Variants in HOXA3 observed in about 807,000 individuals in gnomAD.
HOXA3 encodes homeobox protein Hox-A3.
In HOXA3, 8 loss-of-function variants were observed where a neutral mutation model predicts 30.3. The ratio of observed to expected loss-of-function variants is 0.26; its 90% confidence interval spans 0.15 to 0.48. The LOEUF (loss-of-function observed/expected upper bound fraction) is 0.48, where lower values mean the gene tolerates loss of function less well. HOXA3 is among the 20% of genes least tolerant of loss of function. The pLI is 0.99. For synonymous variants in HOXA3, 323 were observed against 273.1 expected (o/e 1.18, Z -1.80); for missense variants, 653 against 614.4 (o/e 1.06, Z -0.66).
intron 1 of HOXA3, chr7:27,150,769 C>A (rs17472077): frequency 0.071 from 10,846 of 152,674 alleles, 796 homozygotes; most frequent in African/African-American, 0.19. Context: ...GGGGAGGACC[C>A]GAGTCTATAA....
In HOXA3 at chr7:27,130,295, G is replaced by A. The variant is rs1325896301; in HGVS notation, c.-389-3225C>T. On this transcript the variant is annotated intron_variant, in intron 2 of 5. Coordinates refer to ENST00000612286, the MANE Select transcript of HOXA3 (RefSeq NM_153631.3). Reference sequence around the variant, plus strand: ...CGCGGGGCCGCTGGGGGCACGGCGCGAGGCTGCAGGGGCGGCGGCAGCTGG... The same window carrying A: ...CGCGGGGCCGCTGGGGGCACGGCGCAAGGCTGCAGGGGCGGCGGCAGCTGG... 2.4e-5 allele frequency: 26 copies of A among 1,093,068 alleles called. No individual in the cohort carries two copies. The highest frequency in any genetic ancestry group is 3.4e-5 in the African/African-American group (2 of 58,766). The allele number at this position is 1,093,068 out of a possible 1,614,324, so 67.7% of individuals were successfully genotyped here. A position where few individuals can be genotyped will look rare whatever the true frequency, so the allele number is the denominator to read the frequency against.
chr7:27,128,957 C>T (rs1583394528), intron 2 of HOXA3: 1 of 533,594 alleles, frequency 1.9e-6, no homozygotes, highest in Non-Finnish European at 3.4e-6. Context: ...CCAAGTAGTC[C>T]TTCTCAGGTA....
chr7:27,124,751 C>G (rs6958882), intron 3 of HOXA3: 7,559 of 152,298 alleles, frequency 0.05, 271 homozygotes, highest in African/African-American at 0.099. Flanking sequence ...CTTGCACAGG[C>G]GCTACACCTT....
chr7:27,120,604 C>A (rs1015805650), intron 4 of HOXA3, among the ~76,000 whole-genome samples: 1 of 151,230 alleles, frequency 6.6e-6, no homozygotes, highest in African/African-American at 2.4e-5. Flanking sequence ...AGAGAAATGC[C>A]TTAACGCCAG....
intron 1 of HOXA3, among the ~76,000 whole-genome samples, chr7:27,144,780 T>G (rs1782692711): frequency 1.3e-5 from 2 of 152,214 alleles, no homozygotes; most frequent in Admixed American, 1.3e-4. Context: ...AAATCACAAA[T>G]ATAGCTGAGA....
chr7:27,108,957 C>T lies in HOXA3; in HGVS notation c.527-237G>A, dbSNP rs1350587822. ...CGGGGGAAAGGACAGAGAAGTAGAACCCCCGGTTTGCCTTCCTGGTCTGGA... is the reference window on the plus strand; with the variant it reads ...CGGGGGAAAGGACAGAGAAGTAGAATCCCCGGTTTGCCTTCCTGGTCTGGA... On this transcript the variant is annotated intron_variant, in intron 5 of 5. Coordinates refer to ENST00000612286, the MANE Select transcript of HOXA3 (RefSeq NM_153631.3). The surrounding 1 kb of genome is among the most constrained non-coding windows in gnomAD (Gnocchi z 5.0). Among the ~76,000 whole-genome samples, 2 of 152,144 alleles carry T rather than the reference C, an allele frequency of 1.3e-5. No individual in the cohort carries two copies. The highest frequency in any genetic ancestry group is 2.9e-5 in the Non-Finnish European group (2 of 68,024).
chr7:27,108,793 C>T lies in HOXA3; in HGVS notation c.527-73G>A. On this transcript the variant is annotated intron_variant, in intron 5 of 5. Transcript: ENST00000612286. The surrounding 1 kb of genome is among the most constrained non-coding windows in gnomAD (Gnocchi z 5.0). Reference sequence around the variant, plus strand: ...CCGCCCAGCCCCTGACCCAGCCCGGCCCCTCCTTCCACCAGGCCCCAAAGG... The same window carrying T: ...CCGCCCAGCCCCTGACCCAGCCCGGTCCCTCCTTCCACCAGGCCCCAAAGG... The T allele has an allele frequency of 8.3e-7, 1 of 1,199,276 alleles. No homozygotes were observed. The highest frequency in any genetic ancestry group is 2.4e-5 in the East Asian group (1 of 40,994). 74.3% of individuals were successfully genotyped at this position (1,199,276 alleles called of 1,614,324 possible). A position where few individuals can be genotyped will look rare whatever the true frequency, so the allele number is the denominator to read the frequency against.
intron 2 of HOXA3, among the ~76,000 whole-genome samples, chr7:27,132,318 G>C (rs1785586469): frequency 6.6e-6 from 1 of 152,202 alleles, no homozygotes; most frequent in African/African-American, 2.4e-5. Flanking sequence ...CCTAAGCCTG[G>C]AGACACTTGA....
chr7:27,107,818 G>A lies in HOXA3; in HGVS notation c.*97C>T. The A allele has an allele frequency of 1.2e-6, 1 of 807,654 alleles. No homozygotes were observed. Among genetic ancestry groups the A allele is most frequent in the Non-Finnish European group, 1.8e-6 (1 of 540,738 alleles). The allele number at this position is 807,654 out of a possible 1,614,324, so 50.0% of individuals were successfully genotyped here. On this transcript the variant is annotated 3_prime_UTR_variant, in exon 6 of 6. Transcript: ENST00000612286. The stretch of plus-strand genomic sequence containing the variant: ...GAAGAGAGAAAAGGAAGGAAGGAAA[G>A]GGCAGGAAGAACCTAAAAAAAAAAA...
intron 1 of HOXA3, among the ~76,000 whole-genome samples, chr7:27,148,731 G>C (rs1782873228): frequency 6.6e-6 from 1 of 152,254 alleles, no homozygotes; most frequent in African/African-American, 2.4e-5. Flanking sequence ...CGAGGGACCT[G>C]CTCCCCTGCC....
chr7:27,128,673 T>TA, intron 2 of HOXA3: 3 of 168,736 alleles, frequency 1.8e-5, no homozygotes, highest in East Asian at 1.5e-4. Context: ...AACAGTGTCT[T>TA]AAATAAATGC....
chr7:27,145,300 C>T (rs966085541), intron 1 of HOXA3: 2 of 261,012 alleles, frequency 7.7e-6, no homozygotes, highest in South Asian at 8.3e-5. Context: ...GTCCCGAGGT[C>T]GGGGAGCTCA....
At chr7:27,111,569 G>A (rs10085570) in intron 4 of HOXA3, among the ~76,000 whole-genome samples, 121,137 of 151,550 alleles carry the variant, frequency 0.8, 49,307 homozygotes, top group South Asian at 0.88. Context: ...CTAAAATCCT[G>A]GAGAGTTCTT....
chr7:27,137,990 A>G (rs1785765329), intron 2 of HOXA3, among the ~76,000 whole-genome samples: 1 of 152,166 alleles, frequency 6.6e-6, no homozygotes, highest in Non-Finnish European at 1.5e-5. Context: ...GAAATCACTC[A>G]AGCAAGATCA....
chr7:27,116,744 T>G lies in HOXA3; in HGVS notation c.-121+5815A>C, dbSNP rs774700730. The G allele has an allele frequency of 7.2e-5, 11 of 152,216 alleles. 1 individual carries two copies. The highest frequency in any genetic ancestry group is 2.0e-4 in the Admixed American group (3 of 15,292). 9.4% of individuals were successfully genotyped at this position (152,216 alleles called of 1,614,324 possible). On this transcript the variant is annotated intron_variant, in intron 4 of 5. Transcript: ENST00000612286. ...AACTGGGTCAAAAATGCGCCAGAAC[T>G]AGGTCATAAATCATATGAAATGCTG...
At chr7:27,132,132 T>A (rs1406380631) in intron 2 of HOXA3, among the ~76,000 whole-genome samples, 1 of 152,234 alleles carries the variant, frequency 6.6e-6, no homozygotes, top group African/African-American at 2.4e-5. Context: ...GATCCTCTAC[T>A]TTTCAGCCTA....
At position 27,108,443 on chromosome 7, in the gene HOXA3, G is replaced by A; in HGVS notation, c.804C>T (p.Pro268=). The A allele has an allele frequency of 6.2e-7, 1 of 1,613,978 alleles. No individual in the cohort carries two copies. Among genetic ancestry groups the A allele is most frequent in the Non-Finnish European group, 8.5e-7 (1 of 1,179,940 alleles). The change falls in exon 6 of 6, where the codon CCC becomes CCT. Residue 268 remains proline, a synonymous_variant. Transcript: ENST00000612286. The surrounding 1 kb of genome is among the most constrained non-coding windows in gnomAD (Gnocchi z 5.0). ...SSGGQSPSRS[P]VPPGAGGYLN... is the part of the protein sequence containing the mutation. ...GATAGCCACCGGCTCCGGGGGGCAC[G>A]GGGCTGCGACTTGGAGACTGGCCCC... is the stretch of plus-strand genomic sequence containing the variant.
At chr7:27,139,830 A>G (rs1782477221) in intron 2 of HOXA3, among the ~76,000 whole-genome samples, 1 of 152,174 alleles carries the variant, frequency 6.6e-6, no homozygotes, top group African/African-American at 2.4e-5. Context: ...AGCGGAAGTC[A>G]TTAACATCCG....
At chr7:27,130,404 G>A in intron 2 of HOXA3, 1 of 1,166,152 alleles carries the variant, frequency 8.6e-7, no homozygotes, top group Non-Finnish European at 1.1e-6. Flanking sequence ...GCGGCCGCCC[G>A]GGGCTGGCGC....
Sources: gnomAD v4.1 joint callset for allele counts (sites outside exome capture counted in the v4.1 genomes callset) on GRCh38, gnomAD v4.1.1 for gene constraint, Gnocchi (gnomAD v3.1) non-coding constraint, MANE v1.5 for transcripts, NCBI Gene and HGNC (gene_info 2026-07-23, HGNC 2026-07-21) for gene names.